BANP: variants seen among roughly 807,000 people sequenced by gnomAD.
BANP encodes the protein BTG3 associated nuclear protein, also known as protein BANP.
BANP carries 11 observed loss-of-function variants against 68.1 expected under a neutral mutation model. The observed-to-expected ratio is 0.16, with a 90% CI of 0.10 to 0.27. The LOEUF (loss-of-function observed/expected upper bound fraction) is 0.27. Among genes scored for constraint, BANP ranks in the 10% least tolerant of loss-of-function variants. The pLI, the probability that BANP is intolerant of heterozygous loss-of-function variation, is 1.00. For missense variants in BANP, 504 were observed against 722.7 expected (o/e 0.70, Z 3.47); for synonymous variants, 329 against 303.2 (o/e 1.09, Z -0.88).
At position 87,984,062 on chromosome 16, in the gene BANP, A is replaced by G. The variant is rs142171354; in HGVS notation, c.165A>G (p.Ser55=). The G allele has an allele frequency of 8.8e-4, 1,428 of 1,613,922 alleles. 11 individuals are homozygous for G. The highest frequency in any genetic ancestry group is 2.6e-3 in the East Asian group (116 of 44,876). ...AGCCGGTCTTTTTTCACTTCCAGTCATTCCTGTATTCCATCAACCAGACAA... is the reference window on the plus strand; with the variant it reads ...AGCCGGTCTTTTTTCACTTCCAGTCGTTCCTGTATTCCATCAACCAGACAA... ...EINCQDPSIK[S]FLYSINQTIC... The change falls in exon 4 of 14, where the codon TCA becomes TCG. Residue 55 remains serine (S), a splice_region_variant and synonymous_variant. Transcript: ENST00000682872.
At chr16:87,959,342 G>A (rs2058676537) in intron 1 of BANP, among the ~76,000 whole-genome samples, 1 of 152,278 alleles carries the variant, frequency 6.6e-6, no homozygotes. Flanking sequence ...CTGCATAGAA[G>A]CAGGTGGAGA....
chr16:87,980,820 A>T, intron 2 of BANP: 1 of 538,210 alleles, frequency 1.9e-6, no homozygotes. Flanking sequence ...ACTCAGTGGC[A>T]CATTAATTGC....
chr16:88,010,226 C>G (rs1050261244), intron 6 of BANP, among the ~76,000 whole-genome samples: 1 of 152,172 alleles, frequency 6.6e-6, no homozygotes, highest in African/African-American at 2.4e-5. Context: ...ATCTGTTTGT[C>G]CATTAAGGGA....
intron 11 of BANP, among the ~76,000 whole-genome samples, chr16:88,049,469 T>C (rs2082750729): frequency 6.6e-6 from 1 of 152,046 alleles, no homozygotes; most frequent in Admixed American, 6.5e-5. Context: ...TCTTGGGTTT[T>C]TATGGAAACT....
chr16:88,022,764 GTGGCCGCATCCCTCCAGTCTC>G (rs1361386686), intron 7 of BANP, among the ~76,000 whole-genome samples: 7 of 152,144 alleles, frequency 4.6e-5, no homozygotes, highest in Admixed American at 2.6e-4. Context: ...GCTTCTGGTG[GTGGCCGCATCCCTCCAGTCTC>G]TGGCCGCATC....
chr16:88,030,286 A>G (rs1225814256), intron 8 of BANP, among the ~76,000 whole-genome samples: 1 of 152,206 alleles, frequency 6.6e-6, no homozygotes, highest in Non-Finnish European at 1.5e-5. Context: ...GAATTAACTG[A>G]CCAGGACATT....
chr16:87,961,519 C>A (rs1029763927), intron 1 of BANP, among the ~76,000 whole-genome samples: 7 of 151,864 alleles, frequency 4.6e-5, no homozygotes, highest in African/African-American at 1.5e-4. Flanking sequence ...GAGCAGACCA[C>A]CGGTGGAAGC....
At position 88,057,950 on chromosome 16, in the gene BANP, C is replaced by G. The variant is rs750599804; in HGVS notation, c.1312-7317C>G. 5.3e-5 allele frequency among the ~76,000 whole-genome samples: 8 copies of G among 152,122 alleles called. No individual in the cohort carries two copies. Among genetic ancestry groups the G allele is most frequent in the Admixed American group, 1.3e-4 (2 of 15,280 alleles). On this transcript the variant is annotated intron_variant, in intron 11 of 13. Coordinates refer to ENST00000682872, the MANE Select transcript of BANP (RefSeq NM_001386991.1). The surrounding 1 kb of genome is among the most constrained non-coding windows in gnomAD (Gnocchi z 4.6). ...CAGGCGCCGAGGCTCGGTGTGGGCC[C>G]GTGGGCCTGATTGAAGTCACACTCC...
chr16:88,026,419 C>G (rs76187223), intron 7 of BANP, among the ~76,000 whole-genome samples: 36,218 of 152,164 alleles, frequency 0.24, 5,013 homozygotes, highest in East Asian at 0.56. Flanking sequence ...GTTGTCATCA[C>G]TATTTACACA....
At chr16:88,030,976 C>T (rs2078043431) in intron 8 of BANP, among the ~76,000 whole-genome samples, 1 of 152,334 alleles carries the variant, frequency 6.6e-6, no homozygotes, top group South Asian at 2.1e-4. Context: ...AAGAATTAGG[C>T]TGGTTTTGTA....
chr16:88,023,224 T>C (rs1205643557), intron 7 of BANP, among the ~76,000 whole-genome samples: 1 of 152,152 alleles, frequency 6.6e-6, no homozygotes, highest in Non-Finnish European at 1.5e-5. Context: ...AGCCTCCTTC[T>C]CAGCAGGTCA....
At chr16:88,045,790 TG>T (rs974400164) in intron 11 of BANP, among the ~76,000 whole-genome samples, 1 of 90,984 alleles carries the variant, frequency 1.1e-5, no homozygotes, top group African/African-American at 4.3e-5. Flanking sequence ...ACTGGATGGG[TG>T]GGGGGTGGGA....
intron 11 of BANP, among the ~76,000 whole-genome samples, chr16:88,048,963 G>C (rs577912492): frequency 1.3e-5 from 2 of 152,152 alleles, no homozygotes; most frequent in Non-Finnish European, 2.9e-5. Flanking sequence ...CTGGACTCTG[G>C]TGTTGGCAAA....
chr16:88,007,737 G>T (rs146867089), intron 6 of BANP, among the ~76,000 whole-genome samples: 1 of 152,108 alleles, frequency 6.6e-6, no homozygotes, highest in East Asian at 1.9e-4. Context: ...ACTCATTACC[G>T]TATCTGAAAC....
intron 11 of BANP, among the ~76,000 whole-genome samples, chr16:88,046,695 C>T (rs1484750696): frequency 6.6e-6 from 1 of 151,856 alleles, no homozygotes; most frequent in African/African-American, 2.4e-5. Context: ...ATATAGGCAC[C>T]CGCCACCGCA....
chr16:88,060,483 G>T (rs973096958), intron 11 of BANP, among the ~76,000 whole-genome samples: 1 of 152,234 alleles, frequency 6.6e-6, no homozygotes, highest in African/African-American at 2.4e-5. Context: ...TAGTGGGAAC[G>T]TTGGAGCACA....
intron 13 of BANP, among the ~76,000 whole-genome samples, chr16:88,075,239 G>A (rs1034185222): frequency 6.6e-5 from 10 of 152,176 alleles, no homozygotes; most frequent in Non-Finnish European, 1.2e-4. Flanking sequence ...CCAGCTGCTC[G>A]GGAGGCTGAG....
chr16:88,007,431 G>A (rs1364755102), intron 6 of BANP, among the ~76,000 whole-genome samples: 4 of 152,150 alleles, frequency 2.6e-5, no homozygotes, highest in Admixed American at 1.3e-4. Context: ...GCTCTGAGGT[G>A]CCCTCCCGCC....
At position 88,065,184 on chromosome 16, in the gene BANP, C is replaced by A. The variant is rs1246385475; in HGVS notation, c.1312-83C>A. ...CTTTACCGGAGGGCAGAAGCCCATC[C>A]TGGGTCTCAGTGGGCTGAAAGCAAG... On this transcript the variant is annotated intron_variant, in intron 11 of 13. Coordinates refer to ENST00000682872, the MANE Select transcript of BANP (RefSeq NM_001386991.1). 27 of 630,014 alleles carry A rather than the reference C, an allele frequency of 4.3e-5. No homozygotes were observed. The South Asian group carries it at 4.6e-4, about 11-fold the overall frequency. 39.0% of individuals were successfully genotyped at this position (630,014 alleles called of 1,614,324 possible).
Sources: gnomAD v4.1 joint callset for allele counts (sites outside exome capture counted in the v4.1 genomes callset) on GRCh38, gnomAD v4.1.1 for gene constraint, Gnocchi (gnomAD v3.1) non-coding constraint, MANE v1.5 for transcripts, NCBI Gene and HGNC (gene_info 2026-07-23, HGNC 2026-07-21) for gene names.